PLSCR2: variants seen among roughly 807,000 people sequenced by gnomAD.
PLSCR2 encodes the protein PL scramblase 2.
Under a neutral mutation model 25.3 loss-of-function variants are expected in PLSCR2, and 18 were observed. The observed-to-expected ratio is 0.71, with a 90% CI of 0.49 to 1.06. PLSCR2 has a LOEUF of 1.06. PLSCR2 is among the 50% of genes least tolerant of loss of function. PLSCR2 has a pLI of 0.00. For synonymous variants in PLSCR2, 88 were observed against 87.3 expected (o/e 1.01, Z -0.04); for missense variants, 243 against 269.5 (o/e 0.90, Z 0.69).
At chr3:146,404,821 A>AAAGGC (rs71158238) in intron 2 of PLSCR2, among the ~76,000 whole-genome samples, 1 of 124,696 alleles carries the variant, frequency 8.0e-6, no homozygotes, top group Non-Finnish European at 1.7e-5. Context: ...AAAAAAAAAA[A>AAAGGC]GGGGGGGGGT....
At chr3:146,493,398 C>A (rs1289697647) in intron 1 of PLSCR2, among the ~76,000 whole-genome samples, 1 of 152,064 alleles carries the variant, frequency 6.6e-6, no homozygotes, top group Non-Finnish European at 1.5e-5. Context: ...AATATGCAAA[C>A]CAAATCCAGT....
intron 1 of PLSCR2, among the ~76,000 whole-genome samples, chr3:146,477,145 G>C (rs1256509920): frequency 6.6e-6 from 1 of 152,196 alleles, no homozygotes; most frequent in Non-Finnish European, 1.5e-5. Flanking sequence ...GAACAGCTCT[G>C]GTCTGCAGCT....
chr3:146,439,353 A>G (rs746529694), downstream of PLSCR2, among the ~76,000 whole-genome samples: 1 of 152,140 alleles, frequency 6.6e-6, no homozygotes, highest in South Asian at 2.1e-4. Flanking sequence ...TCTCCTGGAT[A>G]ATATCCTGAA....
At chr3:146,471,497 A>AT (rs956924849) in intron 1 of PLSCR2, among the ~76,000 whole-genome samples, 25 of 144,184 alleles carry the variant, frequency 1.7e-4, no homozygotes, top group South Asian at 8.8e-4. Context: ...TTGGATTGGG[A>AT]TTTTTTTCCC....
At chr3:146,494,078 T>C (rs1389972558) in intron 1 of PLSCR2, among the ~76,000 whole-genome samples, 2 of 152,106 alleles carry the variant, frequency 1.3e-5, no homozygotes, top group Non-Finnish European at 2.9e-5. Context: ...TGTTCTATGA[T>C]AGTTTCACAT....
chr3:146,432,986 T>G (rs968357464), downstream of PLSCR2, among the ~76,000 whole-genome samples: 1 of 152,220 alleles, frequency 6.6e-6, no homozygotes, highest in Non-Finnish European at 1.5e-5. Flanking sequence ...CCTTCTGGAA[T>G]TCTTATTGTG....
chr3:146,461,311 G>A (rs1006971995), upstream of PLSCR2, among the ~76,000 whole-genome samples: 4 of 151,998 alleles, frequency 2.6e-5, no homozygotes, highest in African/African-American at 4.8e-5. Flanking sequence ...AAAAAATAAG[G>A]GTTAGCAAAC....
chr3:146,468,026 G>A (rs899165767), intron 1 of PLSCR2, among the ~76,000 whole-genome samples: 1 of 152,142 alleles, frequency 6.6e-6, no homozygotes, highest in Non-Finnish European at 1.5e-5. Context: ...AAAGGCCAGA[G>A]CTTGGTTTGT....
At chr3:146,395,709 G>A (rs567225123) in intron 3 of PLSCR2, 1 of 160,746 alleles carries the variant, frequency 6.2e-6, no homozygotes, top group South Asian at 1.6e-4. Context: ...AAGTGCAATG[G>A]TAATCTCAGA....
At chr3:146,482,627 G>C (rs2043170374) in intron 1 of PLSCR2, among the ~76,000 whole-genome samples, 1 of 152,202 alleles carries the variant, frequency 6.6e-6, no homozygotes, top group Non-Finnish European at 1.5e-5. Flanking sequence ...CACTGTTGGT[G>C]GGACTGTGAA....
intron 2 of PLSCR2, among the ~76,000 whole-genome samples, chr3:146,400,759 A>G (rs914809815): frequency 6.6e-6 from 1 of 151,800 alleles, no homozygotes; most frequent in African/African-American, 2.4e-5. Flanking sequence ...CCAATATTAT[A>G]TTGTCCTGAT....
At chr3:146,477,239 A>G (rs2042320174) in intron 1 of PLSCR2, among the ~76,000 whole-genome samples, 1 of 152,196 alleles carries the variant, frequency 6.6e-6, no homozygotes, top group Non-Finnish European at 1.5e-5. Flanking sequence ...CTGGTTGGAC[A>G]ATGGGTGCAG....
downstream of PLSCR2, among the ~76,000 whole-genome samples, chr3:146,439,126 G>A (rs1191619366): frequency 2.0e-5 from 3 of 152,206 alleles, no homozygotes; most frequent in South Asian, 2.1e-4. Context: ...GGCTTGTAGA[G>A]TTTCTGCCGA....
At chr3:146,492,198 C>G (rs1193258302) in intron 1 of PLSCR2, among the ~76,000 whole-genome samples, 1 of 152,164 alleles carries the variant, frequency 6.6e-6, no homozygotes, top group Non-Finnish European at 1.5e-5. Flanking sequence ...ATCAAATACT[C>G]ACTGCATCGG....
intron 1 of PLSCR2, among the ~76,000 whole-genome samples, chr3:146,478,659 G>C (rs1416535189): frequency 6.6e-6 from 1 of 152,198 alleles, no homozygotes; most frequent in Non-Finnish European, 1.5e-5. Flanking sequence ...AACCAAGTTA[G>C]AAAACACTCT....
At chr3:146,484,459 G>A (rs1488296578) in intron 1 of PLSCR2, among the ~76,000 whole-genome samples, 1 of 151,964 alleles carries the variant, frequency 6.6e-6, no homozygotes, top group Admixed American at 6.6e-5. Context: ...GATGCTTTAT[G>A]AAAAGATCAA....
chr3:146,407,397 G>A (rs992691485), intron 2 of PLSCR2, among the ~76,000 whole-genome samples: 5 of 152,132 alleles, frequency 3.3e-5, no homozygotes, highest in Admixed American at 6.5e-5. Context: ...ATGTCCACTA[G>A]TACTAGAAGG....
upstream of PLSCR2, among the ~76,000 whole-genome samples, chr3:146,462,516 T>G (rs559995878): frequency 6.6e-6 from 1 of 150,502 alleles, no homozygotes; most frequent in Non-Finnish European, 1.5e-5. Context: ...CAAGCTGGAG[T>G]GTAGTGTGGC....
intron 1 of PLSCR2, among the ~76,000 whole-genome samples, chr3:146,487,725 T>C (rs764924860): frequency 2.0e-4 from 30 of 152,142 alleles, no homozygotes; most frequent in Middle Eastern, 3.4e-3. Context: ...AGAATCAATA[T>C]CATAAAAATG....
Sources: gnomAD v4.1 joint callset for allele counts (sites outside exome capture counted in the v4.1 genomes callset) on GRCh38, gnomAD v4.1.1 for gene constraint, MANE v1.5 for transcripts, NCBI Gene and HGNC (gene_info 2026-07-23, HGNC 2026-07-21) for gene names.